ATP1A3: variants seen among roughly 807,000 people sequenced by gnomAD.
ATP1A3 encodes the protein sodium/potassium-transporting ATPase subunit alpha-3.
A neutral mutation model predicts 108.8 loss-of-function variants in ATP1A3; 12 were observed. That is an observed-to-expected ratio of 0.11 (90% CI 0.07 to 0.18). ATP1A3 has a LOEUF of 0.18. Among genes scored for constraint, ATP1A3 ranks in the 10% least tolerant of loss-of-function variants. The pLI is 1.00. For synonymous variants in ATP1A3, 539 were observed against 564.5 expected (o/e 0.95, Z 0.64); for missense variants, 498 against 1,387.7 (o/e 0.36, Z 10.19).
At position 41,978,390 on chromosome 19, in the gene ATP1A3, A is replaced by C; in HGVS notation, c.1631-64T>G. 1 of 1,541,804 alleles carries C rather than the reference A, an allele frequency of 6.5e-7. No homozygotes were observed. The highest frequency in any genetic ancestry group is 1.4e-5 in the African/African-American group (1 of 73,400). ...CTCGGAACCTCCGCCCCATGCCCCTAGATGTCTGCATCGCCCGCATTCCAT... is the reference window on the plus strand; with the variant it reads ...CTCGGAACCTCCGCCCCATGCCCCTCGATGTCTGCATCGCCCGCATTCCAT... On this transcript the variant is annotated intron_variant, in intron 12 of 22. Transcript: ENST00000648268. This position sits in a 1 kb window ranked among gnomAD's most constrained non-coding sequence, Gnocchi z 8.3.
At chr19:41,984,077 C>T (rs2145976236) in intron 8 of ATP1A3, among the ~76,000 whole-genome samples, 1 of 151,782 alleles carries the variant, frequency 6.6e-6, no homozygotes, top group Middle Eastern at 3.4e-3. Context: ...GCCCAGCCTT[C>T]ACATTTTTTG....
In ATP1A3 at chr19:41,978,633, G is replaced by C; in HGVS notation, c.1603C>G (p.Leu535Val). Residue 535 changes from leucine to valine, a missense_variant, in exon 12 of 23, where the codon CTC becomes GTC. This residue lies in a region of ATP1A3 where 92 missense variants were observed against 168.7 expected (regional missense o/e 0.55). Coordinates refer to ENST00000648268, the MANE Select transcript of ATP1A3 (RefSeq NM_152296.5). The surrounding 1 kb of genome is among the most constrained non-coding windows in gnomAD (Gnocchi z 8.3). ...AGCACGCGCTCGCCCAGGCCACCGA[G>C]CTCAAGGTAGGCATTCTGGAAGGCC... is the stretch of plus-strand genomic sequence containing the variant. ...KEAFQNAYLELGGLGERVLGF... is the reference protein window; with the variant it reads ...KEAFQNAYLEVGGLGERVLGF... The C allele has an allele frequency of 6.2e-7, 1 of 1,613,978 alleles. No homozygotes were observed. The highest frequency in any genetic ancestry group is 8.5e-7 in the Non-Finnish European group (1 of 1,180,008).
chr19:41,992,298 C>G (rs1192163379), intron 1 of ATP1A3, among the ~76,000 whole-genome samples: 1 of 152,180 alleles, frequency 6.6e-6, no homozygotes, highest in Non-Finnish European at 1.5e-5. Flanking sequence ...TTGGAGTGCA[C>G]AGCTGAGGCT....
At chr19:41,973,503 G>T (rs375655732) in intron 16 of ATP1A3, among the ~76,000 whole-genome samples, 2 of 152,110 alleles carry the variant, frequency 1.3e-5, no homozygotes, top group East Asian at 1.9e-4. Context: ...CGATCCTCCC[G>T]CCTTGGTCTC....
intron 11 of ATP1A3, among the ~76,000 whole-genome samples, chr19:41,980,730 T>C (rs2075221966): frequency 6.6e-6 from 1 of 151,932 alleles, no homozygotes; most frequent in Non-Finnish European, 1.5e-5. Context: ...GCTAACACGG[T>C]GAAACCCCGT....
chr19:41,983,606 T>A (rs112624633), intron 8 of ATP1A3, among the ~76,000 whole-genome samples: 1,538 of 144,714 alleles, frequency 0.011, 21 homozygotes, highest in African/African-American at 0.028. Context: ...TTATAATAAT[T>A]ATTATTATTA....
chr19:41,969,294 A>T (rs1310032132), intron 19 of ATP1A3, 141 bp downstream of exon 19: 8 of 1,410,222 alleles, frequency 5.7e-6, no homozygotes, highest in Non-Finnish European at 8.0e-6. Context: ...GGCATCCAGG[A>T]AGCCCCAGGT....
chr19:41,966,820 G>C lies in ATP1A3; in HGVS notation c.*117C>G. ...AGATAGTGGAGGGGGTGGGGGCCAA[G>C]GTGGGGCCACAGGAAGAGAGGGCTC... On this transcript the variant is annotated 3_prime_UTR_variant, in exon 23 of 23. Transcript: ENST00000648268. The C allele has an allele frequency of 6.5e-7, 1 of 1,542,330 alleles. No homozygotes were observed. The highest frequency in any genetic ancestry group is 2.4e-5 in the East Asian group (1 of 40,824).
intron 1 of ATP1A3, among the ~76,000 whole-genome samples, chr19:41,992,589 T>C (rs2075350822): frequency 6.6e-6 from 1 of 152,074 alleles, no homozygotes; most frequent in African/African-American, 2.4e-5. Flanking sequence ...CTGACTGTGG[T>C]TGCCGCTAGA....
chr19:41,975,585 C>T (rs781858925), intron 16 of ATP1A3, 44 bp downstream of exon 16: 3 of 1,612,598 alleles, frequency 1.9e-6, no homozygotes, highest in Non-Finnish European at 2.5e-6. Context: ...TCTCAGGCCT[C>T]CGGTAGTGAC....
intron 4 of ATP1A3, chr19:41,986,465 C>T: frequency 2.4e-6 from 1 of 420,800 alleles, no homozygotes; most frequent in Middle Eastern, 7.3e-4. Context: ...TTTTTTGAGA[C>T]AGAGTCTCAC....
rs1017716667 is a variant in ATP1A3 at position 41,988,876 on chromosome 19, T to C, written c.7-314A>G. On this transcript the variant is annotated intron_variant, in intron 1 of 22. Transcript: ENST00000648268. This position sits in a 1 kb window ranked among gnomAD's most constrained non-coding sequence, Gnocchi z 5.3. The stretch of plus-strand genomic sequence containing the variant: ...GGTCCCTGTCTGGCTTCTGCCTGTG[T>C]TTCAGTCTCTCTCTGTTTCTGTGCC... 1.3e-5 allele frequency among the ~76,000 whole-genome samples: 2 copies of C among 152,194 alleles called. No individual in the cohort carries two copies. The highest frequency in any genetic ancestry group is 4.8e-5 in the African/African-American group (2 of 41,452).
At position 41,969,470 on chromosome 19, in the gene ATP1A3, C is replaced by T. The variant is rs149600313; in HGVS notation, c.2653G>A (p.Val885Ile). The T allele has an allele frequency of 1.3e-4, 217 of 1,614,198 alleles. No individual in the cohort carries two copies. The African/African-American group carries it at 1.5e-3, about 11-fold the overall frequency. Residue 885 changes from valine (V) to isoleucine (I), a missense_variant, in exon 19 of 23, where the codon GTC (valine) becomes ATC (isoleucine). By Grantham distance (29) the Val-to-Ile change is conservative. Around this residue, in one of 9 missense-constraint regions of ATP1A3, gnomAD observed 121 missense variants for 425.1 expected, o/e 0.28. Transcript: ENST00000648268. The stretch of plus-strand genomic sequence containing the variant: ...CCGTAACTGTCTTCCAGGTCATTGA[C>T]GGTGCGGTCATCCCAGTTCAGCCGG... ...GIRLNWDDRT[V>I]NDLEDSYGQQ...
At chr19:41,970,674 C>A in intron 16 of ATP1A3, 132 bp from the exon 17 acceptor site, 1 of 1,121,394 alleles carries the variant, frequency 8.9e-7, no homozygotes, top group Non-Finnish European at 1.2e-6. Flanking sequence ...CTGTGTTGCC[C>A]AGGCTGGAGT....
At chr19:41,982,222 G>C in intron 8 of ATP1A3, 116 bp from the exon 9 acceptor site, 2 of 1,565,192 alleles carry the variant, frequency 1.3e-6, no homozygotes, top group Non-Finnish European at 1.8e-6. Flanking sequence ...TGAGGGCCTG[G>C]AAAAGAATGA....
chr19:41,991,155 A>T (rs1193388576), intron 1 of ATP1A3, among the ~76,000 whole-genome samples: 1 of 152,160 alleles, frequency 6.6e-6, no homozygotes, highest in East Asian at 1.9e-4. Context: ...TGGGTGCTGC[A>T]GGGGCCGCTG....
In ATP1A3 at chr19:41,967,818, C is replaced by T. The variant is rs527543649; in HGVS notation, c.2820-55G>A. 3.9e-6 allele frequency: 6 copies of T among 1,526,980 alleles called. 1 individual carries two copies. In the South Asian group the frequency reaches 4.6e-5, roughly 12 times the overall value. The allele number at this position is 1,526,980 out of a possible 1,614,324, so 94.6% of individuals were successfully genotyped here. A position where few individuals can be genotyped will look rare whatever the true frequency, so the allele number is the denominator to read the frequency against. On this transcript the variant is annotated intron_variant, in intron 20 of 22. Coordinates refer to ENST00000648268, the MANE Select transcript of ATP1A3 (RefSeq NM_152296.5). The surrounding 1 kb of genome is among the most constrained non-coding windows in gnomAD (Gnocchi z 4.2). ...CAGAGAGCACCCACCCTGCACCTGC[C>T]ACCCCGCAGAGACAGGGGGAGGCAC... is the stretch of plus-strand genomic sequence containing the variant.
At chr19:41,993,869 C>G (rs1555868150) in intron 1 of ATP1A3, 1 of 959,466 alleles carries the variant, frequency 1.0e-6, no homozygotes. Context: ...CACACAAAGC[C>G]ATGCCAACGT....
rs1413899487 is a variant in ATP1A3, at chr19:41,967,814, C to T, written c.2820-51G>A. 3 of 1,547,020 alleles carry T rather than the reference C, an allele frequency of 1.9e-6. No individual in the cohort carries two copies. Among genetic ancestry groups the T allele is most frequent in the African/African-American group, 2.7e-5 (2 of 73,544 alleles). On this transcript the variant is annotated intron_variant, in intron 20 of 22. Coordinates refer to ENST00000648268, the MANE Select transcript of ATP1A3 (RefSeq NM_152296.5). This position sits in a 1 kb window ranked among gnomAD's most constrained non-coding sequence, Gnocchi z 4.2. ...GGCCCAGAGAGCACCCACCCTGCAC[C>T]TGCCACCCCGCAGAGACAGGGGGAG...
Sources: allele counts gnomAD v4.1 joint callset (sites outside exome capture counted in the v4.1 genomes callset), GRCh38; gene constraint gnomAD v4.1.1; regional missense constraint gnomAD v4.1.1; non-coding constraint Gnocchi (gnomAD v3.1); transcripts MANE v1.5; gene names NCBI Gene and HGNC (gene_info 2026-07-23, HGNC 2026-07-21).